CDH18: variants seen among roughly 807,000 people sequenced by gnomAD.
CDH18 encodes cadherin-18.
CDH18 carries 31 observed loss-of-function variants against 67.9 expected under a neutral mutation model. That is an observed-to-expected ratio of 0.46 (90% CI 0.34 to 0.62). The LOEUF is 0.62. Ranked by LOEUF, CDH18 falls within the 20% of genes least tolerant of loss-of-function variation. The pLI, the probability that CDH18 is intolerant of heterozygous loss-of-function variation, is 0.01. For missense variants in CDH18, 890 were observed against 975.5 expected (o/e 0.91, Z 1.17); for synonymous variants, 362 against 347.2 (o/e 1.04, Z -0.48).
At chr5:20,203,801 G>A (rs1739654147) in intron 2 of CDH18, among the ~76,000 whole-genome samples, 1 of 151,956 alleles carries the variant, frequency 6.6e-6, no homozygotes, top group Non-Finnish European at 1.5e-5. Flanking sequence ...TAATAAGATG[G>A]CAATATGTGA....
At chr5:20,225,934 C>A (rs953328522) in intron 2 of CDH18, among the ~76,000 whole-genome samples, 9 of 151,842 alleles carry the variant, frequency 5.9e-5, no homozygotes, top group African/African-American at 2.2e-4. Context: ...GACTATGGGA[C>A]CTGTTTATGA....
At chr5:20,460,495 C>G (rs1751185843) in intron 1 of CDH18, among the ~76,000 whole-genome samples, 1 of 152,114 alleles carries the variant, frequency 6.6e-6, no homozygotes, top group African/African-American at 2.4e-5. Flanking sequence ...AGAGCTAACT[C>G]TGGCCCATGA....
intron 1 of CDH18, among the ~76,000 whole-genome samples, chr5:20,349,913 C>A (rs1442092411): frequency 6.6e-6 from 1 of 152,104 alleles, no homozygotes; most frequent in Non-Finnish European, 1.5e-5. Flanking sequence ...TATACAGCAT[C>A]ATGCACAGCA....
chr5:19,711,009 C>A (rs902424082), intron 5 of CDH18, among the ~76,000 whole-genome samples: 1 of 151,996 alleles, frequency 6.6e-6, no homozygotes, highest in African/African-American at 2.4e-5. Context: ...GGAAAGAACA[C>A]CCTATTCAAC....
intron 2 of CDH18, among the ~76,000 whole-genome samples, chr5:20,100,506 C>T (rs1324118264): frequency 6.6e-6 from 1 of 152,172 alleles, no homozygotes; most frequent in Admixed American, 6.5e-5. Flanking sequence ...GCATATCTGA[C>T]ATTTAAAAAT....
intron 1 of CDH18, among the ~76,000 whole-genome samples, chr5:20,350,616 A>G (rs1017699738): frequency 2.6e-5 from 4 of 152,132 alleles, no homozygotes; most frequent in African/African-American, 9.7e-5. Flanking sequence ...TTTCTCATGC[A>G]TTGATGAGTT....
At chr5:20,496,852 T>C (rs931845078) in intron 1 of CDH18, among the ~76,000 whole-genome samples, 5 of 151,994 alleles carry the variant, frequency 3.3e-5, no homozygotes, top group Non-Finnish European at 7.4e-5. Flanking sequence ...GATAAAGGCA[T>C]TAAACATAAA....
At chr5:20,210,018 T>G (rs1740233478) in intron 2 of CDH18, among the ~76,000 whole-genome samples, 1 of 151,480 alleles carries the variant, frequency 6.6e-6, no homozygotes, top group African/African-American at 2.4e-5. Flanking sequence ...TTAAAATAAT[T>G]TTTTCTCAAT....
intron 2 of CDH18, among the ~76,000 whole-genome samples, chr5:20,018,720 G>C (rs1049388713): frequency 6.6e-6 from 1 of 151,934 alleles, no homozygotes; most frequent in African/African-American, 2.4e-5. Flanking sequence ...TGAATAACTG[G>C]AACATTCAGA....
chr5:20,452,391 G>A (rs1241121141), intron 1 of CDH18, among the ~76,000 whole-genome samples: 1 of 152,058 alleles, frequency 6.6e-6, no homozygotes, highest in Admixed American at 6.6e-5. Context: ...TGACAGATTG[G>A]ATAAAAACAT....
chr5:20,490,211 T>C (rs1048837135), intron 1 of CDH18, among the ~76,000 whole-genome samples: 1 of 152,094 alleles, frequency 6.6e-6, no homozygotes, highest in African/African-American at 2.4e-5. Context: ...GCCATTTTTA[T>C]GATCAAAAGG....
chr5:20,266,571 ATTTTTTTTTTTTTT>A (rs34718835), intron 1 of CDH18, among the ~76,000 whole-genome samples: 3 of 59,186 alleles, frequency 5.1e-5, no homozygotes, highest in African/African-American at 1.4e-4. Flanking sequence ...GCCCGGCTGA[ATTTTTTTTTTTTTT>A]TTTTTTTTTT....
intron 1 of CDH18, among the ~76,000 whole-genome samples, chr5:20,390,997 G>A (rs567349647): frequency 6.6e-6 from 1 of 152,130 alleles, no homozygotes; most frequent in African/African-American, 2.4e-5. Flanking sequence ...GGTGGGGGAA[G>A]AGGGGAGGGA....
intron 1 of CDH18, among the ~76,000 whole-genome samples, chr5:20,272,615 C>T (rs1397483746): frequency 4.0e-5 from 6 of 151,848 alleles, no homozygotes; most frequent in Non-Finnish European, 4.4e-5. Context: ...CTATTATTTC[C>T]TTCATTCAGA....
chr5:20,331,243 A>G (rs1739143809), intron 1 of CDH18: 1 of 152,118 alleles, frequency 6.6e-6, no homozygotes. Flanking sequence ...TATCTTGTTT[A>G]TTTGACCTTT....
chr5:19,969,324 C>A (rs1239761825), intron 2 of CDH18, among the ~76,000 whole-genome samples: 1 of 142,394 alleles, frequency 7.0e-6, no homozygotes, highest in African/African-American at 3.0e-5. Flanking sequence ...TACCATTTGA[C>A]CCAGCCATCC....
chr5:19,584,882 C>G (rs1743907200), intron 7 of CDH18, among the ~76,000 whole-genome samples: 1 of 150,596 alleles, frequency 6.6e-6, no homozygotes, highest in Non-Finnish European at 1.5e-5. Context: ...GTGGTCCCAG[C>G]TACCAGGGAG....
intron 1 of CDH18, among the ~76,000 whole-genome samples, chr5:20,279,043 T>A (rs540010644): frequency 1.3e-5 from 2 of 152,044 alleles, no homozygotes; most frequent in South Asian, 4.1e-4. Context: ...CAGGAGTAAG[T>A]CCTTCCTTAT....
At chr5:20,409,422 A>T (rs1746578074) in intron 1 of CDH18, among the ~76,000 whole-genome samples, 1 of 151,794 alleles carries the variant, frequency 6.6e-6, no homozygotes, top group South Asian at 2.1e-4. Context: ...AACAACCAGG[A>T]GGTCAAAAAA....
Sources: allele counts gnomAD v4.1 joint callset (sites outside exome capture counted in the v4.1 genomes callset), GRCh38; gene constraint gnomAD v4.1.1; transcripts MANE v1.5; gene names NCBI Gene and HGNC (gene_info 2026-07-23, HGNC 2026-07-21).